ADAMTS6: variants seen among roughly 807,000 people sequenced by gnomAD.
ADAMTS6 encodes ADAM metallopeptidase with thrombospondin type 1 motif 6.
A neutral mutation model predicts 144.3 loss-of-function variants in ADAMTS6; 23 were observed. That is an observed-to-expected ratio of 0.16 (90% CI 0.11 to 0.23). ADAMTS6 has a LOEUF of 0.23. ADAMTS6 is among the 10% of genes least tolerant of loss of function. The probability of loss-of-function intolerance (pLI) is 1.00; values close to 1 mark genes in which losing one functional copy is unlikely to be tolerated. For synonymous variants in ADAMTS6, 444 were observed against 457.5 expected, an observed-to-expected ratio of 0.97 and a Z score of 0.38; for missense variants, 999 against 1,379.6, an observed-to-expected ratio of 0.72 and a Z score of 4.37.
At chr5:65,164,077 C>T (rs1034409815) in intron 24 of ADAMTS6, among the ~76,000 whole-genome samples, 3 of 152,104 alleles carry the variant, frequency 2.0e-5, no homozygotes, top group Non-Finnish European at 4.4e-5. Flanking sequence ...CCAGCGTGAG[C>T]GACGCAGAAG....
intron 20 of ADAMTS6, among the ~76,000 whole-genome samples, chr5:65,213,048 C>A (rs2112320780): frequency 6.6e-6 from 1 of 152,222 alleles, no homozygotes; most frequent in East Asian, 1.9e-4. Flanking sequence ...AAAAATAATG[C>A]AATGGCATAT....
chr5:65,339,615 C>T (rs1218615501), intron 7 of ADAMTS6, among the ~76,000 whole-genome samples: 2 of 150,844 alleles, frequency 1.3e-5, no homozygotes, highest in Non-Finnish European at 3.0e-5. Context: ...GAAATCAGAA[C>T]AATTAACGAT....
chr5:65,397,044 CTCT>C (rs1753401882), intron 7 of ADAMTS6, among the ~76,000 whole-genome samples: 1 of 152,180 alleles, frequency 6.6e-6, no homozygotes, highest in South Asian at 2.1e-4. Context: ...GATTGTCTAT[CTCT>C]TCTTGTGTGA....
At chr5:65,289,278 T>C (rs990312778) in intron 11 of ADAMTS6, among the ~76,000 whole-genome samples, 13 of 152,222 alleles carry the variant, frequency 8.5e-5, no homozygotes, top group Non-Finnish European at 1.8e-4. Context: ...CTCACACCTG[T>C]AATCCCAACA....
chr5:65,460,836 GA>G (rs1759595131), intron 3 of ADAMTS6, among the ~76,000 whole-genome samples: 1 of 152,048 alleles, frequency 6.6e-6, no homozygotes, highest in African/African-American at 2.4e-5. Context: ...AGGGTAGGTA[GA>G]AACCAAAAAA....
In ADAMTS6 at chr5:65,246,127, A is replaced by G. The variant is rs1327885383; in HGVS notation, c.1831-3921T>C. 2.6e-5 allele frequency among the ~76,000 whole-genome samples: 4 copies of G among 152,282 alleles called. No homozygotes were observed. The South Asian group carries it at 8.3e-4, about 32-fold the overall frequency. On this transcript the variant is annotated intron_variant, in intron 14 of 24. Transcript: ENST00000381055. ...AAACATCTACAGAAAAAAAGATCAA[A>G]CACTTTTCAAACAGCTGCAATTATT...
Position 65,201,155 on chromosome 5 carries a change from G to T in ADAMTS6, c.2576-4004C>A, listed in dbSNP as rs138675649. ...AAAGGTGCAAGAAGCCCATCAAATG[G>T]CAAATGAGTCCTGGATGGAAACCAT... On this transcript the variant is annotated intron_variant, in intron 20 of 24. Transcript: ENST00000381055. Among the ~76,000 whole-genome samples the T allele has an allele frequency of 4.8e-4, 73 of 152,248 alleles. No individual in the cohort carries two copies. In the East Asian group the frequency reaches 0.012, roughly 25 times the overall value.
chr5:65,428,095 G>A (rs1046487899), intron 7 of ADAMTS6, among the ~76,000 whole-genome samples: 1 of 151,838 alleles, frequency 6.6e-6, no homozygotes, highest in African/African-American at 2.4e-5. Context: ...ATGTGGTGGT[G>A]TGTGCCTATA....
At chr5:65,259,152 T>A (rs888636688) in intron 14 of ADAMTS6, among the ~76,000 whole-genome samples, 1 of 151,120 alleles carries the variant, frequency 6.6e-6, no homozygotes, top group African/African-American at 2.4e-5. Context: ...AGGTCAGGAG[T>A]TCGAGACCAG....
intron 7 of ADAMTS6, among the ~76,000 whole-genome samples, chr5:65,413,425 A>AT (rs952040982): frequency 1.3e-5 from 2 of 152,130 alleles, no homozygotes; most frequent in African/African-American, 4.8e-5. Flanking sequence ...CATGGCAGGG[A>AT]TTTTTTAAGG....
intron 9 of ADAMTS6, among the ~76,000 whole-genome samples, chr5:65,322,634 T>G (rs1292360149): frequency 6.6e-6 from 1 of 151,830 alleles, no homozygotes; most frequent in African/African-American, 2.4e-5. Flanking sequence ...TTATTCATTT[T>G]GTGGCAATTG....
intron 22 of ADAMTS6, among the ~76,000 whole-genome samples, chr5:65,176,272 GA>G (rs998155402): frequency 6.6e-6 from 1 of 152,002 alleles, no homozygotes; most frequent in African/African-American, 2.4e-5. Context: ...AGTCGTGAAA[GA>G]AAAAAATGTT....
chr5:65,244,296 T>C (rs1420929659), intron 14 of ADAMTS6, among the ~76,000 whole-genome samples: 1 of 151,894 alleles, frequency 6.6e-6, no homozygotes, highest in Non-Finnish European at 1.5e-5. Context: ...TAAGAGGAAA[T>C]GATATTTCAC....
chr5:65,374,325 G>T (rs901901265), intron 7 of ADAMTS6, among the ~76,000 whole-genome samples: 2 of 151,012 alleles, frequency 1.3e-5, no homozygotes, highest in Non-Finnish European at 2.9e-5. Context: ...AATTGTCCCT[G>T]TTTGCAGACG....
At chr5:65,319,517 CAA>C (rs773263244) in intron 9 of ADAMTS6, among the ~76,000 whole-genome samples, 7 of 124,600 alleles carry the variant, frequency 5.6e-5, no homozygotes, top group East Asian at 2.2e-4. Flanking sequence ...CCATATCTAC[CAA>C]AAAAAAAAAA....
chr5:65,380,033 C>T (rs1751902385), intron 7 of ADAMTS6, among the ~76,000 whole-genome samples: 1 of 152,106 alleles, frequency 6.6e-6, no homozygotes, highest in African/African-American at 2.4e-5. Flanking sequence ...CTTTCCATCT[C>T]CATTTTCCGT....
intron 10 of ADAMTS6, among the ~76,000 whole-genome samples, chr5:65,292,872 AC>A (rs1481064297): frequency 6.6e-6 from 1 of 152,042 alleles, no homozygotes; most frequent in African/African-American, 2.4e-5. Flanking sequence ...CAAAGAACAA[AC>A]TTTTTTCACC....
chr5:65,254,021 T>A (rs1462272093), intron 14 of ADAMTS6, among the ~76,000 whole-genome samples: 1 of 149,348 alleles, frequency 6.7e-6, no homozygotes, highest in African/African-American at 2.4e-5. Context: ...ATTTTTGTAT[T>A]TTTTGTAGAG....
chr5:65,471,466 A>C (rs1389062630), intron 2 of ADAMTS6, among the ~76,000 whole-genome samples: 18 of 152,178 alleles, frequency 1.2e-4, no homozygotes, highest in Admixed American at 1.2e-3. Context: ...TGAGAAGCAC[A>C]CATATGTAAA....
Sources: gnomAD v4.1 joint callset for allele counts (sites outside exome capture counted in the v4.1 genomes callset) on GRCh38, gnomAD v4.1.1 for gene constraint, MANE v1.5 for transcripts, NCBI Gene and HGNC (gene_info 2026-07-23, HGNC 2026-07-21) for gene names.